The following RBFOX1 variants were observed in gnomAD, a reference collection of about 807,000 sequenced individuals.
The protein encoded by RBFOX1 is RNA binding protein fox-1 homolog 1.
A neutral mutation model predicts 57.7 loss-of-function variants in RBFOX1; 8 were observed. The ratio of observed to expected loss-of-function variants is 0.14; its 90% CI spans 0.08 to 0.25. The LOEUF is 0.25. Ranked by LOEUF, RBFOX1 falls within the 10% of genes least tolerant of loss-of-function variation. The probability of loss-of-function intolerance (pLI) is 1.00; values close to 1 mark genes in which losing one functional copy is unlikely to be tolerated. For synonymous variants in RBFOX1, 326 were observed against 222.4 expected (o/e 1.47, Z -4.15); for missense variants, 611 against 548.5 (o/e 1.11, Z -1.14).
chr16:6,394,761 T>C (rs1457082062), intron 2 of RBFOX1, among the ~76,000 whole-genome samples: 1 of 152,066 alleles, frequency 6.6e-6, no homozygotes. Context: ...GCCAAATGCT[T>C]GTCTACCAAA....
At chr16:6,555,704 AAAAAC>A (rs925410023) in intron 2 of RBFOX1, among the ~76,000 whole-genome samples, 3 of 152,240 alleles carry the variant, frequency 2.0e-5, no homozygotes, top group African/African-American at 4.8e-5. Flanking sequence ...TGTCTGAAAA[AAAAAC>A]AAAACAAAAC....
chr16:7,516,494 C>G (rs1225579943), intron 4 of RBFOX1, among the ~76,000 whole-genome samples: 1 of 152,134 alleles, frequency 6.6e-6, no homozygotes, highest in African/African-American at 2.4e-5. Flanking sequence ...GGAGACAGAC[C>G]AGCAGTATCA....
intron 5 of RBFOX1, among the ~76,000 whole-genome samples, chr16:7,542,917 A>G (rs1395057435): frequency 6.6e-6 from 1 of 151,984 alleles, no homozygotes; most frequent in Non-Finnish European, 1.5e-5. Context: ...TAAAAACACC[A>G]CCACCACCCC....
intron 2 of RBFOX1, among the ~76,000 whole-genome samples, chr16:6,379,780 A>G (rs1477677142): frequency 6.6e-6 from 1 of 152,068 alleles, no homozygotes; most frequent in African/African-American, 2.4e-5. Context: ...ATGAGAAACT[A>G]GAGACAGTCA....
At chr16:5,338,947 G>A (rs955003813) in intron 1 of RBFOX1, among the ~76,000 whole-genome samples, 1 of 151,968 alleles carries the variant, frequency 6.6e-6, no homozygotes, top group African/African-American at 2.4e-5. Flanking sequence ...ATGATGTTTT[G>A]AAATCTGTAT....
At chr16:6,870,565 G>C (rs993600082) in intron 3 of RBFOX1, among the ~76,000 whole-genome samples, 1 of 152,118 alleles carries the variant, frequency 6.6e-6, no homozygotes, top group African/African-American at 2.4e-5. Flanking sequence ...TTTGCAGGCT[G>C]GTTTTAATTT....
intron 3 of RBFOX1, among the ~76,000 whole-genome samples, chr16:6,985,956 A>T (rs1599206959): frequency 1.3e-5 from 2 of 151,454 alleles, no homozygotes; most frequent in Admixed American, 1.3e-4. Flanking sequence ...GTGATATAGA[A>T]TAAGGCACTT....
intron 2 of RBFOX1, among the ~76,000 whole-genome samples, chr16:5,580,619 G>A (rs1023381862): frequency 6.6e-6 from 1 of 152,180 alleles, no homozygotes; most frequent in African/African-American, 2.4e-5. Context: ...TCAAACATCT[G>A]CTTTGTGTGG....
chr16:7,565,135 C>A (rs577070356), intron 5 of RBFOX1, among the ~76,000 whole-genome samples: 2 of 152,162 alleles, frequency 1.3e-5, no homozygotes, highest in Non-Finnish European at 2.9e-5. Context: ...GGTTTTAGTT[C>A]ACATTCCCTG....
In RBFOX1 at chr16:5,424,970, CTTTCTTTCTTTTCT is replaced by C. The variant is rs1476203970; in HGVS notation, c.220-42238_220-42225del. On this transcript the variant is annotated intron_variant, in intron 1 of 2. Transcript: ENST00000585867. Reference sequence around the variant, plus strand: ...TTTCTTCCTTTGTTTCTTTCTCTTTCTTTCTTTCTTTTCTTTTCTTTTCTTTTCTTTTCTTTTCT... The same window carrying C: ...TTTCTTCCTTTGTTTCTTTCTCTTTCTTTCTTTTCTTTTCTTTTCTTTTCT... Among the ~76,000 whole-genome samples the C allele has an allele frequency of 1.2e-3, 68 of 54,970 alleles. 10 individuals carry two copies. Among genetic ancestry groups the C allele is most frequent in the African/African-American group, 4.3e-3 (58 of 13,552 alleles). The allele number at this position is 54,970 out of a possible 152,430, so 36.1% of individuals were successfully genotyped here.
intron 4 of RBFOX1, among the ~76,000 whole-genome samples, chr16:7,398,849 C>G (rs1207124069): frequency 3.3e-5 from 5 of 152,178 alleles, no homozygotes; most frequent in African/African-American, 1.2e-4. Flanking sequence ...AAATGTAATC[C>G]TTGTACTAAA....
intron 3 of RBFOX1, among the ~76,000 whole-genome samples, chr16:6,929,949 T>C (rs1004686024): frequency 6.6e-6 from 1 of 152,138 alleles, no homozygotes; most frequent in African/African-American, 2.4e-5. Flanking sequence ...TACCCCATAG[T>C]TCGTCAGGAA....
intron 3 of RBFOX1, among the ~76,000 whole-genome samples, chr16:5,745,999 A>G (rs1043690662): frequency 1.3e-5 from 2 of 152,240 alleles, no homozygotes; most frequent in African/African-American, 2.4e-5. Context: ...TGTTTTACAC[A>G]TGAAGTCCTT....
Position 6,543,736 on chromosome 16 carries a change from T to A in RBFOX1, c.-63-110867T>A, listed in dbSNP as rs149888812. ...TTTCCCCGAGGTTCACACCGAAGCA[T>A]CTTAGAAGGGTTAGAATCTCTTTCT... On this transcript the variant is annotated intron_variant, in intron 2 of 15. Transcript: ENST00000550418. Among the ~76,000 whole-genome samples the A allele has an allele frequency of 3.9e-3, 597 of 152,110 alleles. 1 individual carries two copies. The highest frequency in any genetic ancestry group is 0.014 in the African/African-American group (571 of 41,484).
At chr16:7,396,591 C>A (rs756413200) in intron 4 of RBFOX1, among the ~76,000 whole-genome samples, 13 of 152,136 alleles carry the variant, frequency 8.5e-5, no homozygotes, top group Non-Finnish European at 1.5e-4. Context: ...ACTTTAAGCT[C>A]AGTTTGTACC....
At chr16:5,811,718 G>A (rs565535234) in intron 3 of RBFOX1, among the ~76,000 whole-genome samples, 18 of 152,244 alleles carry the variant, frequency 1.2e-4, no homozygotes, top group African/African-American at 4.3e-4. Flanking sequence ...CAAAGTGCTG[G>A]GATTACAGAC....
intron 2 of RBFOX1, among the ~76,000 whole-genome samples, chr16:6,618,007 C>G (rs1232773067): frequency 6.6e-6 from 1 of 152,146 alleles, no homozygotes; most frequent in East Asian, 1.9e-4. Flanking sequence ...TTCCTATCCA[C>G]CTGGCAAATA....
At chr16:6,242,564 T>C (rs1453631236) in intron 1 of RBFOX1, among the ~76,000 whole-genome samples, 2 of 150,792 alleles carry the variant, frequency 1.3e-5, no homozygotes, top group Non-Finnish European at 2.9e-5. Context: ...GAGTCCATCA[T>C]CACTTATGCA....
intron 4 of RBFOX1, among the ~76,000 whole-genome samples, chr16:7,377,671 A>G (rs956753552): frequency 6.6e-6 from 1 of 152,224 alleles, no homozygotes; most frequent in African/African-American, 2.4e-5. Context: ...GTATTCATTA[A>G]TTCATTCCAC....
Sources: allele counts gnomAD v4.1 joint callset (sites outside exome capture counted in the v4.1 genomes callset), GRCh38; gene constraint gnomAD v4.1.1; transcripts MANE v1.5; gene names NCBI Gene and HGNC (gene_info 2026-07-23, HGNC 2026-07-21).